TESK2: variants seen among roughly 807,000 people sequenced by gnomAD.
TESK2 encodes dual specificity testis-specific protein kinase 2.
TESK2 carries 39 observed loss-of-function variants against 57.1 expected under a neutral mutation model. The ratio of observed to expected loss-of-function variants is 0.68; its 90% confidence interval spans 0.53 to 0.89. TESK2 has a LOEUF of 0.89. Among genes scored for constraint, TESK2 ranks in the 40% least tolerant of loss-of-function variants. TESK2 has a pLI of 0.00. For synonymous variants in TESK2, 249 were observed against 267.9 expected (o/e 0.93, Z 0.69); for missense variants, 646 against 732.1 (o/e 0.88, Z 1.36).
chr1:45,379,680 G>A (rs1648570351), intron 4 of TESK2, among the ~76,000 whole-genome samples: 1 of 152,206 alleles, frequency 6.6e-6, no homozygotes, highest in Non-Finnish European at 1.5e-5. Flanking sequence ...AATAGGGAGT[G>A]ACAGGAGGAT....
intron 2 of TESK2, among the ~76,000 whole-genome samples, chr1:45,448,459 T>C (rs574421775): frequency 6.6e-6 from 1 of 152,022 alleles, no homozygotes; most frequent in Non-Finnish European, 1.5e-5. Context: ...CTGGAAGCTG[T>C]ATATGAAACA....
At chr1:45,405,687 A>T (rs1649813715) in intron 3 of TESK2, among the ~76,000 whole-genome samples, 2 of 150,650 alleles carry the variant, frequency 1.3e-5, no homozygotes, top group Non-Finnish European at 3.0e-5. Flanking sequence ...TAGTGTGTGT[A>T]TATATCTACA....
At chr1:45,474,669 C>T (rs749294005) in intron 1 of TESK2, among the ~76,000 whole-genome samples, 2 of 151,484 alleles carry the variant, frequency 1.3e-5, no homozygotes, top group African/African-American at 2.4e-5. Flanking sequence ...AATGGGGTTT[C>T]ACCATGTTGG....
chr1:45,347,466 T>C, intron 7 of TESK2, 143 bp downstream of exon 7: 1 of 758,074 alleles, frequency 1.3e-6, no homozygotes, highest in East Asian at 2.6e-5. Context: ...CTTGGGAAGC[T>C]GAGGCAGGAG....
chr1:45,388,851 G>C (rs1404479416), intron 3 of TESK2, among the ~76,000 whole-genome samples: 2 of 150,784 alleles, frequency 1.3e-5, no homozygotes, highest in Non-Finnish European at 2.9e-5. Context: ...CTCCCAAGTA[G>C]CTGGGACTAC....
At chr1:45,350,577 C>A (rs759272210) in intron 5 of TESK2, among the ~76,000 whole-genome samples, 3 of 152,212 alleles carry the variant, frequency 2.0e-5, no homozygotes, top group Non-Finnish European at 4.4e-5. Context: ...ACAGGGAGAT[C>A]AGTGACCGAA....
intron 1 of TESK2, among the ~76,000 whole-genome samples, chr1:45,477,653 A>G (rs923936622): frequency 9.8e-6 from 1 of 102,046 alleles, no homozygotes; most frequent in Non-Finnish European, 1.9e-5. Context: ...GATTTTAACC[A>G]AATTTCAGAC....
chr1:45,416,208 A>C (rs1241887787), intron 3 of TESK2, among the ~76,000 whole-genome samples: 1 of 149,416 alleles, frequency 6.7e-6, no homozygotes, highest in Non-Finnish European at 1.5e-5. Flanking sequence ...TCAGCCTCTA[A>C]AGTCGCTAGG....
intron 3 of TESK2, among the ~76,000 whole-genome samples, chr1:45,399,812 G>A (rs971414309): frequency 1.3e-5 from 2 of 152,176 alleles, no homozygotes; most frequent in African/African-American, 4.8e-5. Context: ...TTAGCCAGCA[G>A]TCTCCAAAAT....
At chr1:45,345,854 G>A in intron 10 of TESK2, 23 bp downstream of exon 10, 1 of 1,594,198 alleles carries the variant, frequency 6.3e-7, no homozygotes, top group South Asian at 1.1e-5. Context: ...GGTTAGGTTG[G>A]GCTCCCTGGT....
chr1:45,437,547 T>C (rs1298507008), intron 2 of TESK2, among the ~76,000 whole-genome samples: 2 of 152,354 alleles, frequency 1.3e-5, no homozygotes, highest in Admixed American at 1.3e-4. Context: ...TCTTTCTTTC[T>C]CTTACCTCAC....
chr1:45,345,240 G>C lies in TESK2; in HGVS notation c.1316C>G (p.Pro439Arg). The part of the protein sequence containing the change: ...DLDAPGPGTM[P>R]LADWQEPLAP... ...CAGGGGCTCCTGCCAGTCAGCCAGG[G>C]GCATAGTTCCGGGCCCTGGTGCATC... Residue 439 changes from proline to arginine, a missense_variant, in exon 11 of 11, where the codon CCC (proline) becomes CGC (arginine). By Grantham distance (103) the Pro-to-Arg change is moderately radical. Coordinates refer to ENST00000372086, the MANE Select transcript of TESK2 (RefSeq NM_007170.3). 6.2e-7 allele frequency: 1 copy of C among 1,614,198 alleles called. No individual in the cohort carries two copies.
Position 45,428,512 on chromosome 1 carries a change from A to AT in TESK2, c.223-6667dup, listed in dbSNP as rs560698691. ...TGACAAATCTATGATCTTTATTTTT[A>AT]TTTTTTTTTAAACAGGGTCTCACTC... On this transcript the variant is annotated intron_variant, in intron 2 of 10. Coordinates refer to ENST00000372086, the MANE Select transcript of TESK2 (RefSeq NM_007170.3). Among the ~76,000 whole-genome samples, 33 of 151,194 alleles carry AT rather than the reference A, an allele frequency of 2.2e-4. No homozygotes were observed. In the South Asian group the frequency reaches 4.8e-3, roughly 22 times the overall value.
At chr1:45,427,257 AAAG>A (rs1321948106) in intron 2 of TESK2, among the ~76,000 whole-genome samples, 6 of 133,710 alleles carry the variant, frequency 4.5e-5, no homozygotes, top group African/African-American at 1.6e-4. Context: ...AAAAAAAAAA[AAAG>A]AATTCTTGCA....
chr1:45,425,700 T>C (rs1023432599), intron 2 of TESK2, among the ~76,000 whole-genome samples: 5 of 152,054 alleles, frequency 3.3e-5, no homozygotes, highest in African/African-American at 1.2e-4. Context: ...AAAACATTGA[T>C]GTAAGAAACT....
chr1:45,488,341 A>G (rs1397462462), intron 1 of TESK2, among the ~76,000 whole-genome samples: 2 of 152,196 alleles, frequency 1.3e-5, no homozygotes, highest in Non-Finnish European at 2.9e-5. Flanking sequence ...TTCTCCACAG[A>G]TAAGTAATCA....
chr1:45,379,859 G>A lies in TESK2; in HGVS notation c.393+6053C>T, dbSNP rs562933273. On this transcript the variant is annotated intron_variant, in intron 4 of 10. Transcript: ENST00000372086. ...CAGAATTGGCTGAGTGGTTCTCATC[G>A]CCACAGAAGAAAATAAGAATAGTTT... Among the ~76,000 whole-genome samples the A allele has an allele frequency of 1.4e-4, 22 of 152,200 alleles. No homozygotes were observed. The East Asian group carries it at 3.3e-3, about 23-fold the overall frequency.
chr1:45,347,023 T>A lies in TESK2; in HGVS notation c.748A>T (p.Ile250Phe). The change falls in exon 8 of 11, where the codon ATC (isoleucine) becomes TTC (phenylalanine). Residue 250 changes from isoleucine to phenylalanine, a missense_variant. Coordinates refer to ENST00000372086, the MANE Select transcript of TESK2 (RefSeq NM_007170.3). ...TCCGGATCGGCCTGGATGCGGGCGA[T>A]GATCTCGCAGAGGATGATACCATAA... ...FSYGIILCEI[I>F]ARIQADPDYL... The A allele has an allele frequency of 1.2e-6, 2 of 1,614,204 alleles. No individual in the cohort carries two copies. The highest frequency in any genetic ancestry group is 1.1e-5 in the South Asian group (1 of 91,084).
intron 1 of TESK2, among the ~76,000 whole-genome samples, chr1:45,483,701 A>C (rs1236612448): frequency 6.6e-6 from 1 of 152,146 alleles, no homozygotes; most frequent in Non-Finnish European, 1.5e-5. Flanking sequence ...GGGGGGGTCA[A>C]AAATTATATT....
Sources: allele counts gnomAD v4.1 joint callset (sites outside exome capture counted in the v4.1 genomes callset), GRCh38; gene constraint gnomAD v4.1.1; transcripts MANE v1.5; gene names NCBI Gene and HGNC (gene_info 2026-07-23, HGNC 2026-07-21).